Variants in USP32 observed in about 807,000 individuals in gnomAD.
USP32 encodes the protein ubiquitin specific peptidase 32.
USP32 carries 59 observed loss-of-function variants against 204.8 expected under a neutral mutation model. The ratio of observed to expected loss-of-function variants is 0.29; its 90% CI spans 0.23 to 0.36. The LOEUF is 0.36. USP32 is among the 10% of genes least tolerant of loss of function. The probability of loss-of-function intolerance (pLI) is 1.00; values close to 1 mark genes in which losing one functional copy is unlikely to be tolerated. For missense variants in USP32, 1,160 were observed against 1,946.4 expected, an observed-to-expected ratio of 0.60 and a Z score of 7.60; for synonymous variants, 517 against 678.4, an observed-to-expected ratio of 0.76 and a Z score of 3.70.
At chr17:60,358,774 G>A (rs533744349) in intron 1 of USP32, among the ~76,000 whole-genome samples, 2 of 152,186 alleles carry the variant, frequency 1.3e-5, no homozygotes, top group Admixed American at 6.5e-5. Context: ...TGAGGATGAC[G>A]GTGCTTCGCA....
rs116840198 is a variant in USP32, at chr17:60,281,034, T to C, written c.571+7489A>G. Among the ~76,000 whole-genome samples the C allele has an allele frequency of 3.5e-3, 537 of 152,376 alleles. 5 individuals carry two copies. Among genetic ancestry groups the C allele is most frequent in the African/African-American group, 0.013 (520 of 41,594 alleles). Reference sequence around the variant, plus strand: ...TAAATTTGTTGGTTCTTTGTTTTTATAGATTATAAAATAAAAGTAAACAAA... The same window carrying C: ...TAAATTTGTTGGTTCTTTGTTTTTACAGATTATAAAATAAAAGTAAACAAA... On this transcript the variant is annotated intron_variant, in intron 5 of 33. Transcript: ENST00000300896.
Position 60,319,396 on chromosome 17 carries a change from C to T in USP32, c.187-17692G>A, listed in dbSNP as rs191801294. Among the ~76,000 whole-genome samples, 24 of 150,728 alleles carry T rather than the reference C, an allele frequency of 1.6e-4. No individual in the cohort carries two copies. The East Asian group carries it at 4.7e-3, about 29-fold the overall frequency. ...CTAGGCACAGTAGCTCTTGCCACAA[C>T]AAAAATTTTAAAACATAGTAAAATA... On this transcript the variant is annotated intron_variant, in intron 2 of 33. Coordinates refer to ENST00000300896, the MANE Select transcript of USP32 (RefSeq NM_032582.4).
At chr17:60,236,512 C>CAATTAATTAATT (rs112201486) in intron 11 of USP32, among the ~76,000 whole-genome samples, 1 of 151,532 alleles carries the variant, frequency 6.6e-6, no homozygotes, top group African/African-American at 2.4e-5. Flanking sequence ...CTGGTGTTTC[C>CAATTAATTAATT]AATTAATTAA....
chr17:60,249,454 G>C, intron 11 of USP32: 1 of 405,200 alleles, frequency 2.5e-6, no homozygotes, highest in South Asian at 3.7e-5. Context: ...CTGGTCTGTT[G>C]TTAGTCTGCT....
chr17:60,198,401 G>A lies in USP32; in HGVS notation c.3293C>T (p.Pro1098Leu), dbSNP rs764276388. Residue 1098 changes from proline (P) to leucine (L), a missense_variant, in exon 27 of 34, where the codon CCC becomes CTC. This residue lies in a region of USP32 where 160 missense variants were observed against 322.5 expected (regional missense o/e 0.50). Coordinates refer to ENST00000300896, the MANE Select transcript of USP32 (RefSeq NM_032582.4). Reference sequence around the variant, plus strand: ...AATCAATGGCATTCCAAAGAGGCTGGGGCGATTCTTCTGAGATGACAGGAA... The same window carrying A: ...AATCAATGGCATTCCAAAGAGGCTGAGGCGATTCTTCTGAGATGACAGGAA... ...LYFLSSQKNR[P>L]SLFGMPLIVP... 10 of 1,613,984 alleles carry A rather than the reference G, an allele frequency of 6.2e-6. No individual in the cohort carries two copies. The highest frequency in any genetic ancestry group is 4.2e-6 in the Non-Finnish European group (5 of 1,180,016).
intron 2 of USP32, among the ~76,000 whole-genome samples, chr17:60,330,556 T>C (rs76084729): frequency 6.6e-6 from 1 of 150,784 alleles, no homozygotes; most frequent in Non-Finnish European, 1.5e-5. Flanking sequence ...TCTCTCTCTC[T>C]TTTTTTTAAA....
intron 2 of USP32, among the ~76,000 whole-genome samples, chr17:60,337,084 C>T (rs959212206): frequency 2.6e-5 from 4 of 152,162 alleles, no homozygotes; most frequent in African/African-American, 9.7e-5. Flanking sequence ...GGGATTTAAT[C>T]AATAATATAG....
intron 28 of USP32, among the ~76,000 whole-genome samples, chr17:60,191,091 T>G (rs762649958): frequency 7.9e-5 from 12 of 152,100 alleles, no homozygotes; most frequent in Non-Finnish European, 1.8e-4. Context: ...AAATGGCAGA[T>G]TAAATAAATG....
intron 5 of USP32, among the ~76,000 whole-genome samples, chr17:60,274,553 C>CA (rs1297096643): frequency 6.6e-6 from 1 of 151,918 alleles, no homozygotes; most frequent in African/African-American, 2.4e-5. Flanking sequence ...ACATTACAAA[C>CA]AAAAGAACTA....
At chr17:60,320,726 T>G (rs1425596816) in intron 2 of USP32, among the ~76,000 whole-genome samples, 1 of 152,176 alleles carries the variant, frequency 6.6e-6, no homozygotes, top group Non-Finnish European at 1.5e-5. Flanking sequence ...ATAAACCTAT[T>G]TAGTAATCAA....
At chr17:60,324,916 T>C (rs1471315329) in intron 2 of USP32, among the ~76,000 whole-genome samples, 2 of 151,834 alleles carry the variant, frequency 1.3e-5, no homozygotes, top group African/African-American at 4.8e-5. Flanking sequence ...GGCAGGAAAA[T>C]GGCTTGAACC....
At chr17:60,339,884 T>A (rs1362070857) in intron 2 of USP32, among the ~76,000 whole-genome samples, 1 of 152,234 alleles carries the variant, frequency 6.6e-6, no homozygotes, top group Non-Finnish European at 1.5e-5. Context: ...ATATATGTTA[T>A]TACTTTTACT....
chr17:60,333,782 A>C (rs2088447767), intron 2 of USP32, among the ~76,000 whole-genome samples: 1 of 152,182 alleles, frequency 6.6e-6, no homozygotes, highest in Non-Finnish European at 1.5e-5. Flanking sequence ...CATTTTCAGT[A>C]CTGTACTGTT....
intron 1 of USP32, among the ~76,000 whole-genome samples, chr17:60,359,147 C>G (rs1338055758): frequency 6.6e-6 from 1 of 152,144 alleles, no homozygotes; most frequent in African/African-American, 2.4e-5. Context: ...TTTTGGAAGC[C>G]TATTCTAATT....
intron 1 of USP32, among the ~76,000 whole-genome samples, chr17:60,351,560 T>A (rs1263605756): frequency 1.3e-5 from 2 of 152,016 alleles, no homozygotes; most frequent in Admixed American, 6.6e-5. Context: ...CCCAAGTAGC[T>A]GGGAGTACAG....
chr17:60,239,340 A>G (rs1381137193), intron 11 of USP32, among the ~76,000 whole-genome samples: 2 of 152,184 alleles, frequency 1.3e-5, no homozygotes, highest in African/African-American at 2.4e-5. Context: ...TCTTTCTTTA[A>G]GTCCAATGAG....
chr17:60,211,785 T>A (rs2084973488), intron 19 of USP32, among the ~76,000 whole-genome samples: 1 of 152,020 alleles, frequency 6.6e-6, no homozygotes, highest in Admixed American at 6.6e-5. Context: ...ATTCTTCTTC[T>A]AGTATGTCTT....
In USP32 at chr17:60,185,450, T is replaced by C. The variant is rs2084226676; in HGVS notation, c.3834+10A>G. On this transcript the variant is annotated intron_variant, in intron 30 of 33. Transcript: ENST00000300896. ...ATTCCTGCTCTCTCAGAGGCAGGAC[T>C]GTAACATACCAGGATGGGTGGAAGC... 5 of 1,595,922 alleles carry C rather than the reference T, an allele frequency of 3.1e-6. No individual in the cohort carries two copies. In the East Asian group the frequency reaches 9.0e-5, roughly 29 times the overall value.
intron 1 of USP32, among the ~76,000 whole-genome samples, chr17:60,420,186 G>A (rs1403521548): frequency 6.6e-6 from 1 of 150,670 alleles, no homozygotes; most frequent in Non-Finnish European, 1.5e-5. Flanking sequence ...TTAGTAGAGG[G>A]TTTTGCCATG....
Sources: allele counts gnomAD v4.1 joint callset (sites outside exome capture counted in the v4.1 genomes callset), GRCh38; gene constraint gnomAD v4.1.1; regional missense constraint gnomAD v4.1.1; transcripts MANE v1.5; gene names NCBI Gene and HGNC (gene_info 2026-07-23, HGNC 2026-07-21).